PKP4: variants seen among roughly 807,000 people sequenced by gnomAD.
The protein encoded by PKP4 is plakophilin-4.
PKP4 carries 90 observed loss-of-function variants against 145.1 expected under a neutral mutation model. That is an observed-to-expected ratio of 0.62 (90% CI 0.52 to 0.74). The LOEUF (loss-of-function observed/expected upper bound fraction) is 0.74, where lower values mean the gene tolerates loss of function less well. Ranked by LOEUF, PKP4 falls within the 30% of genes least tolerant of loss-of-function variation. The pLI, the probability that PKP4 is intolerant of heterozygous loss-of-function variation, is 0.00. For missense variants in PKP4, 1,340 were observed against 1,482.7 expected (o/e 0.90, Z 1.58); for synonymous variants, 563 against 577.2 (o/e 0.98, Z 0.35).
chr2:158,516,250 G>T (rs887866289), intron 1 of PKP4, among the ~76,000 whole-genome samples: 4 of 152,016 alleles, frequency 2.6e-5, no homozygotes, highest in Non-Finnish European at 5.9e-5. Flanking sequence ...TCTGGGGCAG[G>T]CCTGAAATTC....
chr2:158,642,972 AT>A (rs1405677786), intron 11 of PKP4, among the ~76,000 whole-genome samples: 1 of 152,176 alleles, frequency 6.6e-6, no homozygotes, highest in East Asian at 1.9e-4. Context: ...TAAATATGAC[AT>A]TTTTTACATG....
At chr2:158,678,073 C>G (rs1222141767) in intron 20 of PKP4, among the ~76,000 whole-genome samples, 1 of 152,208 alleles carries the variant, frequency 6.6e-6, no homozygotes, top group Non-Finnish European at 1.5e-5. Flanking sequence ...ATGCCAGGTA[C>G]AAGACTGTGC....
In PKP4 at chr2:158,680,541, T is replaced by A. The variant is rs772783316; in HGVS notation, c.3443T>A (p.Val1148Asp). The A allele has an allele frequency of 1.9e-6, 3 of 1,614,026 alleles. No homozygotes were observed. In the South Asian group the frequency reaches 3.3e-5, roughly 18 times the overall value. ...GAAGATCCTTATTTTGATGACCGAG[T>A]TCACTTTCCAGCTTCTACTGATTAC... ...SYEDPYFDDR[V>D]HFPASTDYST... is the part of the protein sequence containing the mutation. The change falls in exon 22 of 22, where the codon GTT becomes GAT. Residue 1148 changes from valine (V) to aspartate (D), a missense_variant. Transcript: ENST00000389759.
rs146123753 is a variant in PKP4, at chr2:158,599,098, G to T, written c.246-3972G>T. The stretch of plus-strand genomic sequence containing the variant: ...ATCTGAGATGTTTGCATTTTATCCT[G>T]TATGGATCTGTTGTGCATTAGCAGC... On this transcript the variant is annotated intron_variant, in intron 3 of 21. Transcript: ENST00000389759. Among the ~76,000 whole-genome samples, 1,376 of 152,338 alleles carry T rather than the reference G, an allele frequency of 9.0e-3. 8 individuals are homozygous for T. The highest frequency in any genetic ancestry group is 0.015 in the Non-Finnish European group (1,030 of 68,028).
At position 158,646,534 on chromosome 2, in the gene PKP4, C is replaced by T. The variant is rs149582407; in HGVS notation, c.1909+3835C>T. On this transcript the variant is annotated intron_variant, in intron 11 of 21. Coordinates refer to ENST00000389759, the MANE Select transcript of PKP4 (RefSeq NM_003628.6). ...TATAGTCTAAGCTTTATAGAGACAG[C>T]AAAATTGCTCACATTTCCCAGTCCT... 1.5e-4 allele frequency among the ~76,000 whole-genome samples: 23 copies of T among 152,290 alleles called. No homozygotes were observed. The East Asian group carries it at 3.7e-3, about 24-fold the overall frequency.
chr2:158,586,672 T>A, intron 3 of PKP4, among the ~76,000 whole-genome samples: 1 of 152,118 alleles, frequency 6.6e-6, no homozygotes, highest in Admixed American at 6.5e-5. Context: ...CAGTAAAGAG[T>A]TCCACATCTG....
At chr2:158,499,139 A>G (rs1696185529) in intron 1 of PKP4, among the ~76,000 whole-genome samples, 1 of 152,170 alleles carries the variant, frequency 6.6e-6, no homozygotes. Context: ...CAATCTGAGC[A>G]GTTTATTATA....
chr2:158,651,938 G>A (rs555504777), intron 11 of PKP4, among the ~76,000 whole-genome samples: 120 of 152,234 alleles, frequency 7.9e-4, no homozygotes, highest in African/African-American at 2.6e-3. Flanking sequence ...GCCTGGTGGT[G>A]TAACTGTTTG....
chr2:158,624,979 G>A lies in PKP4; in HGVS notation c.705G>A (p.Gly235=), dbSNP rs774340262. The A allele has an allele frequency of 3.7e-6, 6 of 1,614,134 alleles. No homozygotes were observed. Among genetic ancestry groups the A allele is most frequent in the Admixed American group, 1.7e-5 (1 of 60,024 alleles). Residue 235 remains glycine (G), a synonymous_variant, in exon 7 of 22, where the codon GGG becomes GGA. Transcript: ENST00000389759. ...VISTGVSPSR[G]SLRTSLGSGF... ...GCACAGGCGTGTCTCCTTCAAGGGG[G>A]TCTCTGAGAACTTCTCTGGGTAGTG...
intron 11 of PKP4, among the ~76,000 whole-genome samples, chr2:158,643,628 C>G (rs1225390232): frequency 9.2e-6 from 1 of 108,700 alleles, no homozygotes; most frequent in African/African-American, 2.8e-5. Context: ...AGGGGGATCA[C>G]TTAAGCCCAG....
intron 4 of PKP4, among the ~76,000 whole-genome samples, chr2:158,615,145 G>C (rs1423792894): frequency 6.6e-6 from 1 of 151,954 alleles, no homozygotes; most frequent in Admixed American, 6.6e-5. Flanking sequence ...TTAACAAAAG[G>C]AATCTTATTT....
In PKP4 at chr2:158,680,798, G is replaced by T; in HGVS notation, c.*121G>T. ...GTGAAGTGGAAGGAATGAATGAAGT[G>T]TGTTTTTTTTTTCTTTTTTGAGGAA... On this transcript the variant is annotated 3_prime_UTR_variant, in exon 22 of 22. Coordinates refer to ENST00000389759, the MANE Select transcript of PKP4 (RefSeq NM_003628.6). The T allele has an allele frequency of 3.2e-6, 3 of 936,446 alleles. No individual in the cohort carries two copies. Among genetic ancestry groups the T allele is most frequent in the African/African-American group, 1.7e-5 (1 of 60,514 alleles). 58.0% of individuals were successfully genotyped at this position (936,446 alleles called of 1,614,324 possible).
intron 7 of PKP4, among the ~76,000 whole-genome samples, chr2:158,626,791 G>A (rs537393815): frequency 6.6e-6 from 1 of 152,194 alleles, no homozygotes; most frequent in Non-Finnish European, 1.5e-5. Flanking sequence ...GTTCATCAAC[G>A]ACTTTATTTC....
intron 2 of PKP4, among the ~76,000 whole-genome samples, chr2:158,560,545 A>C (rs1466348695): frequency 6.6e-6 from 1 of 152,224 alleles, no homozygotes; most frequent in Non-Finnish European, 1.5e-5. Flanking sequence ...AGAGCTTAGT[A>C]AAAATGGAAT....
At chr2:158,553,451 G>C (rs929669109) in intron 2 of PKP4, among the ~76,000 whole-genome samples, 1 of 152,168 alleles carries the variant, frequency 6.6e-6, no homozygotes, top group African/African-American at 2.4e-5. Flanking sequence ...TGAAAATGTT[G>C]TATCAGCAAA....
rs181239389 is a variant in PKP4, at chr2:158,546,948, T to C, written c.132+13632T>C. Reference sequence around the variant, plus strand: ...CTCTGTTTTTCACAAAGGATATTATTGTATATATAGAAAATTCTTAAGCAG... The same window carrying C: ...CTCTGTTTTTCACAAAGGATATTATCGTATATATAGAAAATTCTTAAGCAG... On this transcript the variant is annotated intron_variant, in intron 2 of 21. Coordinates refer to ENST00000389759, the MANE Select transcript of PKP4 (RefSeq NM_003628.6). 5.9e-5 allele frequency among the ~76,000 whole-genome samples: 9 copies of C among 152,204 alleles called. No individual in the cohort carries two copies. In the East Asian group the frequency reaches 1.7e-3, roughly 29 times the overall value.
intron 10 of PKP4, among the ~76,000 whole-genome samples, chr2:158,642,268 C>T (rs2054360760): frequency 6.6e-6 from 1 of 152,190 alleles, no homozygotes; most frequent in Admixed American, 6.5e-5. Flanking sequence ...AAGTGATCCG[C>T]CCATCTTGGC....
chr2:158,661,792 A>C, intron 13 of PKP4: 1 of 195,044 alleles, frequency 5.1e-6, no homozygotes, highest in South Asian at 9.6e-5. Flanking sequence ...TACTGACTAA[A>C]AGTTCCTGGT....
intron 20 of PKP4, 157 bp downstream of exon 20, chr2:158,677,024 G>A (rs987446172): frequency 1.2e-6 from 1 of 835,980 alleles, no homozygotes; most frequent in Non-Finnish European, 2.0e-6. Flanking sequence ...GGGGATTGTT[G>A]CCTTTTCTGC....
Sources: allele counts gnomAD v4.1 joint callset (sites outside exome capture counted in the v4.1 genomes callset), GRCh38; gene constraint gnomAD v4.1.1; transcripts MANE v1.5; gene names NCBI Gene and HGNC (gene_info 2026-07-23, HGNC 2026-07-21).